LRRFIP1: variants seen among roughly 807,000 people sequenced by gnomAD.
The protein encoded by LRRFIP1 is leucine-rich repeat flightless-interacting protein 1.
Under a neutral mutation model 104.4 loss-of-function variants are expected in LRRFIP1, and 62 were observed. That is an observed-to-expected ratio of 0.59 (90% CI 0.48 to 0.73). The LOEUF (loss-of-function observed/expected upper bound fraction) is 0.73. Ranked by LOEUF, LRRFIP1 falls within the 30% of genes least tolerant of loss-of-function variation. LRRFIP1 has a pLI of 0.00. For missense variants in LRRFIP1, 796 were observed against 824.5 expected (o/e 0.97, Z 0.42); for synonymous variants, 300 against 299.0 (o/e 1.00, Z -0.03).
intron 6 of LRRFIP1, among the ~76,000 whole-genome samples, chr2:237,722,573 A>T (rs926927347): frequency 6.6e-6 from 1 of 152,180 alleles, no homozygotes; most frequent in Non-Finnish European, 1.5e-5. Flanking sequence ...TTCCTATAGG[A>T]TGTTCACCAT....
At chr2:237,642,071 C>T (rs1171241714) in intron 1 of LRRFIP1, among the ~76,000 whole-genome samples, 6 of 152,118 alleles carry the variant, frequency 3.9e-5, no homozygotes. Flanking sequence ...TGCGGCCAGG[C>T]GACCTCCTCA....
intron 1 of LRRFIP1, chr2:237,692,108 C>A: frequency 2.0e-6 from 1 of 493,168 alleles, no homozygotes. Flanking sequence ...GGGGACGGGG[C>A]GGGGCGTAGC....
intron 23 of LRRFIP1, among the ~76,000 whole-genome samples, chr2:237,777,941 A>AT (rs1182302061): frequency 6.6e-6 from 1 of 151,842 alleles, no homozygotes; most frequent in African/African-American, 2.4e-5. Flanking sequence ...CCAGTTCACC[A>AT]TTTTTTTTAA....
At chr2:237,678,516 C>CT (rs371371781) in intron 1 of LRRFIP1, among the ~76,000 whole-genome samples, 3 of 150,458 alleles carry the variant, frequency 2.0e-5, no homozygotes, top group Admixed American at 6.6e-5. Context: ...ATTTTTTTTT[C>CT]TTTTTTTGAG....
chr2:237,757,677 C>T (rs961330188), intron 17 of LRRFIP1, 129 bp downstream of exon 17: 21 of 681,058 alleles, frequency 3.1e-5, no homozygotes, highest in Non-Finnish European at 4.7e-5. Flanking sequence ...GACACAAAGT[C>T]GTATTAATTT....
intron 1 of LRRFIP1, among the ~76,000 whole-genome samples, chr2:237,667,129 T>G (rs2089539539): frequency 6.6e-6 from 1 of 152,078 alleles, no homozygotes; most frequent in Non-Finnish European, 1.5e-5. Context: ...TCATCTAGAT[T>G]TTCAGCCCCG....
At chr2:237,762,596 C>G in intron 19 of LRRFIP1, 1 of 1,588,592 alleles carries the variant, frequency 6.3e-7, no homozygotes, top group Non-Finnish European at 8.6e-7. Context: ...TCTCAATGGT[C>G]TTTTAGGAAG....
intron 19 of LRRFIP1, chr2:237,762,958 T>A (rs1161796082): frequency 6.2e-7 from 1 of 1,614,068 alleles, no homozygotes; most frequent in Non-Finnish European, 8.5e-7. Flanking sequence ...GTGACTTAGA[T>A]GGTGGGAACC....
At chr2:237,668,501 C>T (rs997734140) in intron 1 of LRRFIP1, among the ~76,000 whole-genome samples, 2 of 152,184 alleles carry the variant, frequency 1.3e-5, no homozygotes, top group Admixed American at 1.3e-4. Flanking sequence ...ATTTTAAAGC[C>T]ATATGATGGC....
chr2:237,779,426 G>T lies in LRRFIP1; in HGVS notation c.1817G>T (p.Arg606Leu). 1 of 1,613,078 alleles carries T rather than the reference G, an allele frequency of 6.2e-7. No individual in the cohort carries two copies. Among genetic ancestry groups the T allele is most frequent in the Non-Finnish European group, 8.5e-7 (1 of 1,179,320 alleles). ...AEKRKLQRELRSALDKTEELE... is the reference protein window; with the variant it reads ...AEKRKLQRELLSALDKTEELE... ...CTGCCTTTCCTCCGTTCCCAGCTCC[G>T]CTCTGCATTGGATAAAACAGAAGAG... The change falls in exon 24 of 24, where the codon CGC becomes CTC. Residue 606 changes from arginine (R) to leucine (L), a missense_variant. By Grantham distance (102) the Arg-to-Leu change is moderately radical. Coordinates refer to ENST00000308482, the MANE Select transcript of LRRFIP1 (RefSeq NM_001137550.2).
At chr2:237,630,773 C>T (rs546577836) in intron 1 of LRRFIP1, among the ~76,000 whole-genome samples, 1 of 152,352 alleles carries the variant, frequency 6.6e-6, no homozygotes, top group Admixed American at 6.5e-5. Context: ...CTCTTTTTCC[C>T]ACAGCACCTG....
intron 1 of LRRFIP1, among the ~76,000 whole-genome samples, chr2:237,674,100 G>A (rs1007849259): frequency 1.3e-5 from 2 of 152,206 alleles, no homozygotes; most frequent in African/African-American, 4.8e-5. Flanking sequence ...GGGACTCAGG[G>A]GGCAGCAGGA....
chr2:237,687,240 G>A (rs542761623), intron 1 of LRRFIP1, among the ~76,000 whole-genome samples: 1 of 152,356 alleles, frequency 6.6e-6, no homozygotes, highest in African/African-American at 2.4e-5. Context: ...ACTGAAAGGT[G>A]CTGTGTAAAT....
chr2:237,752,120 C>T lies in LRRFIP1; in HGVS notation c.867+849C>T, dbSNP rs150140075. ...GCTTTCAATTCATGCGAAAAGGAGCCACTTGGCCAGGCGTGGTGGCTCACG... is the reference window on the plus strand; with the variant it reads ...GCTTTCAATTCATGCGAAAAGGAGCTACTTGGCCAGGCGTGGTGGCTCACG... On this transcript the variant is annotated intron_variant, in intron 14 of 23. Coordinates refer to ENST00000308482, the MANE Select transcript of LRRFIP1 (RefSeq NM_001137550.2). 7.8e-3 allele frequency among the ~76,000 whole-genome samples: 1,191 copies of T among 152,256 alleles called. 20 individuals carry two copies. Among genetic ancestry groups the T allele is most frequent in the African/African-American group, 0.027 (1,127 of 41,550 alleles).
chr2:237,706,020 A>G (rs2093786222), intron 1 of LRRFIP1, among the ~76,000 whole-genome samples: 1 of 152,244 alleles, frequency 6.6e-6, no homozygotes, highest in Non-Finnish European at 1.5e-5. Context: ...TCAACTGACG[A>G]AGGATTTTAA....
intron 5 of LRRFIP1, among the ~76,000 whole-genome samples, chr2:237,720,072 A>T (rs912651168): frequency 6.7e-6 from 1 of 148,326 alleles, no homozygotes; most frequent in Non-Finnish European, 1.5e-5. Context: ...TCAGCCTCCC[A>T]AGTAGCTGGG....
At chr2:237,751,834 A>T (rs540110724) in intron 14 of LRRFIP1, among the ~76,000 whole-genome samples, 1 of 152,306 alleles carries the variant, frequency 6.6e-6, no homozygotes, top group South Asian at 2.1e-4. Context: ...ACTTCATTGC[A>T]CCAGCCAGGA....
At chr2:237,708,520 A>G (rs759954903) in intron 1 of LRRFIP1, 24 bp from the exon 2 acceptor site, 116 of 1,540,968 alleles carry the variant, frequency 7.5e-5, no homozygotes, top group African/African-American at 1.9e-4. Context: ...TCTGTCCTCT[A>G]ATAAGATGCC....
rs1243742898 is a variant in LRRFIP1 at position 237,703,348 on chromosome 2, C to T, written c.97-5196C>T. 6.6e-6 allele frequency among the ~76,000 whole-genome samples: 1 copy of T among 152,212 alleles called. No individual in the cohort carries two copies. The highest frequency in any genetic ancestry group is 2.4e-5 in the African/African-American group (1 of 41,444). On this transcript the variant is annotated intron_variant, in intron 1 of 23. Coordinates refer to ENST00000308482, the MANE Select transcript of LRRFIP1 (RefSeq NM_001137550.2). The surrounding 1 kb of genome is among the most constrained non-coding windows in gnomAD (Gnocchi z 4.3). The stretch of plus-strand genomic sequence containing the variant: ...CTGGAAGCAGCCTGTCAACTCACTT[C>T]CTTGGTTTCCTGTTGCTCTTCCCAC...
Sources: allele counts gnomAD v4.1 joint callset (sites outside exome capture counted in the v4.1 genomes callset), GRCh38; gene constraint gnomAD v4.1.1; non-coding constraint Gnocchi (gnomAD v3.1); transcripts MANE v1.5; gene names NCBI Gene and HGNC (gene_info 2026-07-23, HGNC 2026-07-21).